The following SHTN1 variants were observed in gnomAD, a reference collection of about 807,000 sequenced individuals.
SHTN1 encodes shootin-1.
A neutral mutation model predicts 83.1 loss-of-function variants in SHTN1; 42 were observed. That is an observed-to-expected ratio of 0.51 (90% CI 0.39 to 0.65). SHTN1 has a LOEUF of 0.65. SHTN1 is among the 30% of genes least tolerant of loss of function. The probability of loss-of-function intolerance (pLI) is 0.00; values close to 1 mark genes in which losing one functional copy is unlikely to be tolerated. For synonymous variants in SHTN1, 224 were observed against 247.7 expected, an observed-to-expected ratio of 0.90 and a Z score of 0.90; for missense variants, 622 against 737.8, an observed-to-expected ratio of 0.84 and a Z score of 1.82.
At chr10:117,069,690 T>C (rs1055951630) in intron 1 of SHTN1, among the ~76,000 whole-genome samples, 1 of 152,198 alleles carries the variant, frequency 6.6e-6, no homozygotes, top group African/African-American at 2.4e-5. Flanking sequence ...GTTTCCTCTC[T>C]ATAACTAAGA....
intron 1 of SHTN1, among the ~76,000 whole-genome samples, chr10:117,081,262 C>G (rs1029091490): frequency 6.6e-6 from 1 of 151,890 alleles, no homozygotes; most frequent in African/African-American, 2.4e-5. Flanking sequence ...TGAATTTTGT[C>G]AAAGGCCTTT....
chr10:116,927,057 A>G (rs1156659163), intron 11 of SHTN1, among the ~76,000 whole-genome samples: 1 of 152,238 alleles, frequency 6.6e-6, no homozygotes, highest in African/African-American at 2.4e-5. Flanking sequence ...TACTAAAGGT[A>G]TAAATATGAG....
intron 1 of SHTN1, among the ~76,000 whole-genome samples, chr10:116,986,279 C>T (rs1045956792): frequency 1.3e-5 from 2 of 152,126 alleles, no homozygotes; most frequent in African/African-American, 2.4e-5. Flanking sequence ...TAATTGAAGT[C>T]ACAGGGCAAA....
At chr10:116,915,019 C>T (rs2133354069) in intron 13 of SHTN1, among the ~76,000 whole-genome samples, 1 of 152,220 alleles carries the variant, frequency 6.6e-6, no homozygotes, top group Middle Eastern at 3.4e-3. Context: ...TCCCTCGTGC[C>T]TAAAACAGCA....
At chr10:117,071,057 T>C (rs1853074790) in intron 1 of SHTN1, among the ~76,000 whole-genome samples, 2 of 152,122 alleles carry the variant, frequency 1.3e-5, no homozygotes. Flanking sequence ...TTTATTTATG[T>C]ATATTTTCCT....
chr10:117,036,878 C>T (rs1852505533), intron 2 of SHTN1, among the ~76,000 whole-genome samples: 1 of 152,118 alleles, frequency 6.6e-6, no homozygotes, highest in Non-Finnish European at 1.5e-5. Context: ...TGTATCAAAA[C>T]AATTCATATA....
At chr10:116,947,896 G>GT (rs1849647302) in intron 7 of SHTN1, among the ~76,000 whole-genome samples, 1 of 152,134 alleles carries the variant, frequency 6.6e-6, no homozygotes, top group Admixed American at 6.6e-5. Context: ...TTGGAGAAAT[G>GT]TTACAATCCA....
At chr10:117,074,892 C>T (rs865967205) in intron 1 of SHTN1, among the ~76,000 whole-genome samples, 1 of 151,986 alleles carries the variant, frequency 6.6e-6, no homozygotes, top group South Asian at 2.1e-4. Flanking sequence ...CTGGTCAAAG[C>T]TAAGGCTCTA....
At chr10:116,967,319 C>T (rs1217186492) in intron 3 of SHTN1, among the ~76,000 whole-genome samples, 1 of 152,136 alleles carries the variant, frequency 6.6e-6, no homozygotes, top group Non-Finnish European at 1.5e-5. Context: ...TTGGAAAGTA[C>T]AGCTTTTGTG....
chr10:117,003,682 G>A (rs1013548725), intron 1 of SHTN1, among the ~76,000 whole-genome samples: 2 of 151,860 alleles, frequency 1.3e-5, no homozygotes, highest in African/African-American at 4.8e-5. Context: ...GAAGATCCAC[G>A]GAAGGAAAGA....
chr10:117,023,527 A>G (rs545256141), intron 2 of SHTN1: 1 of 152,816 alleles, frequency 6.5e-6, no homozygotes, highest in South Asian at 2.1e-4. Context: ...AAATAGCACC[A>G]TAACAAATGA....
chr10:116,952,764 T>G (rs957091366), intron 5 of SHTN1, among the ~76,000 whole-genome samples: 1 of 152,238 alleles, frequency 6.6e-6, no homozygotes, highest in African/African-American at 2.4e-5. Flanking sequence ...ACTTAGGTTT[T>G]AACTGCCTTT....
intron 1 of SHTN1, among the ~76,000 whole-genome samples, chr10:116,988,024 T>A (rs1206062008): frequency 1.3e-5 from 2 of 152,176 alleles, no homozygotes; most frequent in Non-Finnish European, 2.9e-5. Flanking sequence ...TATTCTGTAC[T>A]ATAATGGTGA....
At chr10:116,982,345 G>A (rs1035183298) in intron 1 of SHTN1, among the ~76,000 whole-genome samples, 1 of 152,136 alleles carries the variant, frequency 6.6e-6, no homozygotes, top group African/African-American at 2.4e-5. Context: ...GGAAAGGAAA[G>A]GGAAAGTATG....
intron 7 of SHTN1, among the ~76,000 whole-genome samples, chr10:116,946,450 T>C (rs1849582109): frequency 6.9e-6 from 1 of 145,618 alleles, no homozygotes; most frequent in African/African-American, 2.5e-5. Flanking sequence ...GTATAAATTA[T>C]GTATATGTAT....
At chr10:117,051,157 T>G (rs1164024501) in intron 1 of SHTN1, among the ~76,000 whole-genome samples, 1 of 152,040 alleles carries the variant, frequency 6.6e-6, no homozygotes, top group Non-Finnish European at 1.5e-5. Context: ...ACAGCCAGGA[T>G]GAAATGGACA....
chr10:117,088,870 C>T (rs1853388170), intron 1 of SHTN1, among the ~76,000 whole-genome samples: 1 of 152,196 alleles, frequency 6.6e-6, no homozygotes, highest in South Asian at 2.1e-4. Flanking sequence ...ACACACACAT[C>T]AGGGGTCTTG....
intron 2 of SHTN1, 85 bp from the exon 3 acceptor site, chr10:116,968,797 A>G (rs1331152180): frequency 1.2e-5 from 12 of 1,025,796 alleles, no homozygotes; most frequent in Non-Finnish European, 1.6e-5. Context: ...CTTATAAACA[A>G]CAGCAATTTT....
chr10:117,103,428 A>G (rs963079670), intron 1 of SHTN1, among the ~76,000 whole-genome samples: 1 of 151,844 alleles, frequency 6.6e-6, no homozygotes, highest in African/African-American at 2.4e-5. Context: ...ACAGAATGTA[A>G]CATACCACCC....
Sources: gnomAD v4.1 joint callset for allele counts (sites outside exome capture counted in the v4.1 genomes callset) on GRCh38, gnomAD v4.1.1 for gene constraint, MANE v1.5 for transcripts, NCBI Gene and HGNC (gene_info 2026-07-23, HGNC 2026-07-21) for gene names.